The following PDXDC1 variants were observed in gnomAD, a reference collection of about 807,000 sequenced individuals.
PDXDC1 encodes the protein pyridoxal dependent decarboxylase domain containing 1.
PDXDC1 carries 42 observed loss-of-function variants against 100.1 expected under a neutral mutation model. That is an observed-to-expected ratio of 0.42 (90% CI 0.33 to 0.54). The LOEUF (loss-of-function observed/expected upper bound fraction) is 0.54, where lower values mean the gene tolerates loss of function less well. PDXDC1 is among the 20% of genes least tolerant of loss of function. The probability of loss-of-function intolerance (pLI) is 0.10; values close to 1 mark genes in which losing one functional copy is unlikely to be tolerated. For synonymous variants in PDXDC1, 260 were observed against 371.7 expected (o/e 0.70, Z 3.46); for missense variants, 636 against 979.2 (o/e 0.65, Z 4.68).
At chr16:15,085,143 A>T (rs2045867623) in intron 16 of PDXDC1, among the ~76,000 whole-genome samples, 1 of 152,226 alleles carries the variant, frequency 6.6e-6, no homozygotes, top group Non-Finnish European at 1.5e-5. Context: ...TTATCAGAGA[A>T]ATAATAATTT....
intron 16 of PDXDC1, among the ~76,000 whole-genome samples, chr16:15,057,011 A>T (rs1324919878): frequency 6.6e-6 from 1 of 152,144 alleles, no homozygotes; most frequent in Non-Finnish European, 1.5e-5. Flanking sequence ...CTCTCTTCTA[A>T]AACTTGGAAA....
In PDXDC1 at chr16:15,001,741, T is replaced by C. The variant is rs1973204363; in HGVS notation, c.162-35T>C. ...GGAGAGTGGCGGGGGATGTGTGCTG[T>C]TCCCATCAGCCCATCAACTCTTTTT... On this transcript the variant is annotated intron_variant, in intron 3 of 22. Transcript: ENST00000396410. 1.9e-6 allele frequency: 3 copies of C among 1,545,522 alleles called. No individual in the cohort carries two copies. The East Asian group carries it at 7.2e-5, about 37-fold the overall frequency.
chr16:15,087,065 C>A (rs1362243076), intron 16 of PDXDC1, among the ~76,000 whole-genome samples: 2 of 152,020 alleles, frequency 1.3e-5, no homozygotes, highest in South Asian at 2.1e-4. Context: ...AAATTTGAAA[C>A]GCAATGTATA....
At chr16:15,038,514 T>C, downstream of PDXDC1, 2 of 987,850 alleles carry the variant, frequency 2.0e-6, no homozygotes, top group Non-Finnish European at 3.1e-6. Context: ...CCTTTTTTTC[T>C]TACAGATGGG....
At chr16:15,149,456 G>A in the PDXDC1 span, among the ~76,000 whole-genome samples, 2 of 152,184 alleles carry the variant, frequency 1.3e-5, no homozygotes, top group Admixed American at 6.5e-5. Flanking sequence ...GGGCCCCTCC[G>A]TGGCCTGGCC....
At chr16:15,026,959 T>C (rs1264378524) in intron 14 of PDXDC1, among the ~76,000 whole-genome samples, 1 of 152,248 alleles carries the variant, frequency 6.6e-6, no homozygotes, top group Non-Finnish European at 1.5e-5. Context: ...TAAGAAAGAG[T>C]TGCTTGAACA....
chr16:15,097,167 CAG>C (rs1471913717), intron 16 of PDXDC1, among the ~76,000 whole-genome samples: 1 of 151,388 alleles, frequency 6.6e-6, no homozygotes, highest in East Asian at 1.9e-4. Context: ...ATTTGGGAGA[CAG>C]AGGTGGGAGA....
chr16:15,012,954 G>A (rs1269635468), intron 8 of PDXDC1, among the ~76,000 whole-genome samples: 3 of 152,190 alleles, frequency 2.0e-5, no homozygotes, highest in Admixed American at 6.5e-5. Context: ...GGCAGATTAC[G>A]AGGTCAGGAG....
At chr16:15,023,041 G>A (rs2042324788) in intron 13 of PDXDC1, among the ~76,000 whole-genome samples, 1 of 152,282 alleles carries the variant, frequency 6.6e-6, no homozygotes, top group Non-Finnish European at 1.5e-5. Flanking sequence ...ATTGCACAAA[G>A]ATAAACACCA....
chr16:15,006,864 A>G (rs2151409220), intron 6 of PDXDC1, among the ~76,000 whole-genome samples: 1 of 152,418 alleles, frequency 6.6e-6, no homozygotes, highest in Middle Eastern at 3.4e-3. Flanking sequence ...CTTTTCACTT[A>G]TTGTTAAAAC....
intron 16 of PDXDC1, among the ~76,000 whole-genome samples, chr16:15,101,328 G>GT (rs951233369): frequency 6.6e-6 from 1 of 152,098 alleles, no homozygotes; most frequent in African/African-American, 2.4e-5. Flanking sequence ...TTGTTTGTTT[G>GT]TTTTTTGAGA....
Position 15,033,405 on chromosome 16 carries a change from T to G in PDXDC1, c.1812+6T>G, listed in dbSNP as rs762282965. 1 of 1,613,796 alleles carries G rather than the reference T, an allele frequency of 6.2e-7. No individual in the cohort carries two copies. The highest frequency in any genetic ancestry group is 8.5e-7 in the Non-Finnish European group (1 of 1,179,750). ...AGATAGAGGAGAACTCGAGGGTCCGTAGCACCCATCAGTGTTCATTCCTCT... is the reference window on the plus strand; with the variant it reads ...AGATAGAGGAGAACTCGAGGGTCCGGAGCACCCATCAGTGTTCATTCCTCT... On this transcript the variant is annotated splice_donor_region_variant and intron_variant, in intron 19 of 22. Transcript: ENST00000396410.
At chr16:14,975,774 C>G (rs1966735411) in intron 1 of PDXDC1, 2 of 773,740 alleles carry the variant, frequency 2.6e-6, no homozygotes, top group South Asian at 6.6e-5. Flanking sequence ...GGGGGCGGGA[C>G]CGGGAACTGC....
intron 16 of PDXDC1, among the ~76,000 whole-genome samples, chr16:15,058,516 TAGG>T (rs950628440): frequency 1.3e-5 from 2 of 152,068 alleles, no homozygotes; most frequent in Non-Finnish European, 2.9e-5. Flanking sequence ...TGCTTGAGGT[TAGG>T]AGTTCAAGAC....
downstream of PDXDC1, chr16:15,041,111 G>C (rs1454552307): frequency 3.2e-6 from 5 of 1,562,344 alleles, no homozygotes; most frequent in Non-Finnish European, 4.4e-6. Flanking sequence ...TTTCTTCCCG[G>C]TCATTTAATT....
chr16:15,077,056 C>T (rs1311350400), intron 16 of PDXDC1, among the ~76,000 whole-genome samples: 2 of 151,794 alleles, frequency 1.3e-5, no homozygotes, highest in South Asian at 2.1e-4. Flanking sequence ...CTCGGCTCAC[C>T]GCAAACTCCG....
chr16:15,017,252 A>G lies in PDXDC1; in HGVS notation c.862-69A>G, dbSNP rs1480374134. 9.3e-6 allele frequency: 15 copies of G among 1,605,024 alleles called. No individual in the cohort carries two copies. In the South Asian group the frequency reaches 9.9e-5, roughly 11 times the overall value. On this transcript the variant is annotated intron_variant, in intron 10 of 22. Transcript: ENST00000396410. ...TCCCTCATGGCTCTTCACAGTTTTT[A>G]TGAATGGAGGAGGGTGTTAGGTTTG...
intron 12 of PDXDC1, 118 bp from the exon 13 acceptor site, chr16:15,022,586 A>G (rs1296197194): frequency 2.5e-6 from 2 of 812,654 alleles, no homozygotes; most frequent in African/African-American, 3.5e-5. Flanking sequence ...GAAACCACCA[A>G]GTGGCAGGTG....
intron 1 of PDXDC1, among the ~76,000 whole-genome samples, chr16:14,977,373 G>A (rs1238222602): frequency 6.8e-5 from 10 of 146,440 alleles, no homozygotes; most frequent in African/African-American, 2.6e-4. Context: ...TCCGCCTCCC[G>A]GATTCAAGTG....
Sources: gnomAD v4.1 joint callset for allele counts (sites outside exome capture counted in the v4.1 genomes callset) on GRCh38, gnomAD v4.1.1 for gene constraint, MANE v1.5 for transcripts, NCBI Gene and HGNC (gene_info 2026-07-23, HGNC 2026-07-21) for gene names.